FANCD2: variants seen among roughly 807,000 people sequenced by gnomAD.
FANCD2 encodes the protein FA complementation group D2.
Under a neutral mutation model 192.3 loss-of-function variants are expected in FANCD2, and 131 were observed. That is an observed-to-expected ratio of 0.68 (90% confidence interval 0.59 to 0.79). The LOEUF is 0.79. Ranked by LOEUF, FANCD2 falls within the 30% of genes least tolerant of loss-of-function variation. The pLI, the probability that FANCD2 is intolerant of heterozygous loss-of-function variation, is 0.00. For missense variants in FANCD2, 1,508 were observed against 1,701.6 expected (o/e 0.89, Z 2.00); for synonymous variants, 524 against 612.5 (o/e 0.86, Z 2.13).
At chr3:10,031,291 C>T (rs934513415) in intron 2 of FANCD2, among the ~76,000 whole-genome samples, 5 of 152,086 alleles carry the variant, frequency 3.3e-5, no homozygotes, top group African/African-American at 4.8e-5. Flanking sequence ...ATCACGAGGT[C>T]AGGAGATTGA....
chr3:10,090,503 A>G (rs1019954618), intron 37 of FANCD2, 118 bp downstream of exon 37: 2 of 644,786 alleles, frequency 3.1e-6, no homozygotes, highest in Non-Finnish European at 2.6e-6. Flanking sequence ...TCTGTTGCCC[A>G]GACTGGAGTG....
rs930762903 is a variant in FANCD2 at position 10,048,568 on chromosome 3, G to A, written c.1413+517G>A. 3.3e-5 allele frequency among the ~76,000 whole-genome samples: 5 copies of A among 152,228 alleles called. No homozygotes were observed. In the South Asian group the frequency reaches 6.2e-4, roughly 19 times the overall value. On this transcript the variant is annotated intron_variant, in intron 16 of 43. Transcript: ENST00000675286. Reference sequence around the variant, plus strand: ...GAACCGCCTGCCTCAGCCTCTCAAAGTGCTGGGATTATAGGCGTGAGCCAT... The same window carrying A: ...GAACCGCCTGCCTCAGCCTCTCAAAATGCTGGGATTATAGGCGTGAGCCAT...
At chr3:10,029,945 G>C (rs938661556) in intron 2 of FANCD2, among the ~76,000 whole-genome samples, 1 of 151,832 alleles carries the variant, frequency 6.6e-6, no homozygotes, top group Non-Finnish European at 1.5e-5. Context: ...CACCATGCCC[G>C]GCTGATTTTT....
At chr3:10,064,322 T>G (rs767897981) in intron 21 of FANCD2, 34 bp from the exon 22 acceptor site, 3 of 1,416,814 alleles carry the variant, frequency 2.1e-6, no homozygotes, top group Non-Finnish European at 3.0e-6. Context: ...AAGTACACTC[T>G]GCACTGCCCT....
At chr3:10,045,744 G>A (rs747438763) in intron 14 of FANCD2, 1 of 151,770 alleles carries the variant, frequency 6.6e-6, no homozygotes, top group East Asian at 2.0e-4. Context: ...TGGGATTACA[G>A]GTGTGTGCTA....
At chr3:10,084,000 G>T (rs1051108031) in intron 32 of FANCD2, among the ~76,000 whole-genome samples, 3 of 150,758 alleles carry the variant, frequency 2.0e-5, no homozygotes, top group African/African-American at 7.3e-5. Flanking sequence ...CCATGCTTTT[G>T]TGTGTGTGTG....
At chr3:10,037,662 A>G (rs955868906) in intron 7 of FANCD2, 2 of 152,230 alleles carry the variant, frequency 1.3e-5, no homozygotes, top group African/African-American at 4.8e-5. Flanking sequence ...ATTGAAAAAG[A>G]TTACTCTTTA....
In FANCD2 at chr3:10,063,657, T is replaced by G. The variant is rs562346789; in HGVS notation, c.1828-135T>G. ...GAAGGAGACAGACGGGTCAGAACAT[T>G]CAGGAAAACTTCAAGTGAGACATAG... On this transcript the variant is annotated intron_variant, in intron 20 of 43. Transcript: ENST00000675286. The G allele has an allele frequency of 2.7e-6, 3 of 1,098,490 alleles. No individual in the cohort carries two copies. In the East Asian group the frequency reaches 7.1e-5, roughly 26 times the overall value. The allele number at this position is 1,098,490 out of a possible 1,614,324, so 68.0% of individuals were successfully genotyped here.
chr3:10,046,516 T>A, intron 14 of FANCD2, 64 bp from the exon 15 acceptor site: 2 of 1,601,752 alleles, frequency 1.2e-6, no homozygotes, highest in Non-Finnish European at 1.7e-6. Flanking sequence ...AGCTGCTGTT[T>A]CATTGTAGCA....
At chr3:10,049,951 A>G (rs1186146382) in intron 17 of FANCD2, among the ~76,000 whole-genome samples, 1 of 152,206 alleles carries the variant, frequency 6.6e-6, no homozygotes. Context: ...CTGGTGCCCA[A>G]GTCAATGGTG....
intron 2 of FANCD2, 25 bp from the exon 3 acceptor site, chr3:10,032,807 T>A: frequency 6.2e-7 from 1 of 1,602,314 alleles, no homozygotes. Context: ...ATTTGCCATA[T>A]TCTTGAAAAT....
chr3:10,079,912 C>G (rs1031748192), intron 30 of FANCD2, among the ~76,000 whole-genome samples: 15 of 151,434 alleles, frequency 9.9e-5, no homozygotes, highest in Non-Finnish European at 7.4e-5. Context: ...CATTTTTCTT[C>G]TTCGTCTTCT....
chr3:10,089,208 C>G (rs1575846989), intron 36 of FANCD2, among the ~76,000 whole-genome samples: 2 of 151,936 alleles, frequency 1.3e-5, no homozygotes, highest in African/African-American at 4.8e-5. Flanking sequence ...TTGCTTGAAC[C>G]TGGGAGGCGG....
chr3:10,075,311 GT>G (rs1458036007), intron 29 of FANCD2, among the ~76,000 whole-genome samples: 2 of 152,038 alleles, frequency 1.3e-5, no homozygotes, highest in Non-Finnish European at 2.9e-5. Context: ...AGCCTCCTGA[GT>G]AGCTGGGGCT....
At position 10,051,403 on chromosome 3, in the gene FANCD2, AAAAACAAAAAG is replaced by A. The variant is rs1474348218; in HGVS notation, c.1546-983_1546-973del. Reference sequence around the variant, plus strand: ...CTCAAAAAAAAAAAAAAAAAAAAAAAAAAACAAAAAGGAGTGAGGGATTTATCTCCCAGTGT... The same window carrying A: ...CTCAAAAAAAAAAAAAAAAAAAAAAAGAGTGAGGGATTTATCTCCCAGTGT... On this transcript the variant is annotated intron_variant, in intron 17 of 43. Coordinates refer to ENST00000675286, the MANE Select transcript of FANCD2 (RefSeq NM_001018115.3). Among the ~76,000 whole-genome samples the A allele has an allele frequency of 3.6e-3, 37 of 10,218 alleles. 2 individuals are homozygous for A. The highest frequency in any genetic ancestry group is 0.018 in the African/African-American group (10 of 564). 6.7% of individuals were successfully genotyped at this position (10,218 alleles called of 152,430 possible). A position where few individuals can be genotyped will look rare whatever the true frequency, so the allele number is the denominator to read the frequency against.
At chr3:10,089,420 C>T (rs35497255) in intron 36 of FANCD2, among the ~76,000 whole-genome samples, 2,356 of 152,234 alleles carry the variant, frequency 0.015, 35 homozygotes, top group Middle Eastern at 0.034. Flanking sequence ...GTTATGCATT[C>T]CTTTCAAGGG....
intron 36 of FANCD2, 44 bp downstream of exon 36, chr3:10,088,994 A>G (rs763159592): frequency 6.2e-7 from 1 of 1,610,674 alleles, no homozygotes; most frequent in East Asian, 2.2e-5. Context: ...AGATAGAATC[A>G]TCATCAGGCT....
intron 32 of FANCD2, among the ~76,000 whole-genome samples, chr3:10,084,638 T>C (rs1223518459): frequency 1.3e-5 from 2 of 152,180 alleles, no homozygotes; most frequent in Non-Finnish European, 2.9e-5. Flanking sequence ...GTATTGTACA[T>C]CAACTATATC....
intron 39 of FANCD2, among the ~76,000 whole-genome samples, chr3:10,093,583 G>T (rs916914127): frequency 6.6e-6 from 1 of 152,220 alleles, no homozygotes; most frequent in Non-Finnish European, 1.5e-5. Flanking sequence ...GAGTTTAGGA[G>T]CAGTAGTTAC....
Sources: gnomAD v4.1 joint callset for allele counts (sites outside exome capture counted in the v4.1 genomes callset) on GRCh38, gnomAD v4.1.1 for gene constraint, MANE v1.5 for transcripts, NCBI Gene and HGNC (gene_info 2026-07-23, HGNC 2026-07-21) for gene names.